The following THEMIS variants were observed in gnomAD, a reference collection of about 807,000 sequenced individuals.
THEMIS encodes the protein protein THEMIS.
THEMIS carries 37 observed loss-of-function variants against 52.6 expected under a neutral mutation model. That is an observed-to-expected ratio of 0.70 (90% CI 0.54 to 0.93). The LOEUF (loss-of-function observed/expected upper bound fraction) is 0.93. Ranked by LOEUF, THEMIS falls within the 40% of genes least tolerant of loss-of-function variation. The pLI is 0.00. For synonymous variants in THEMIS, 292 were observed against 272.7 expected (o/e 1.07, Z -0.70); for missense variants, 808 against 763.1 (o/e 1.06, Z -0.69).
At chr6:127,892,313 T>A (rs191910276) in intron 1 of THEMIS, among the ~76,000 whole-genome samples, 1 of 152,308 alleles carries the variant, frequency 6.6e-6, no homozygotes, top group African/African-American at 2.4e-5. Flanking sequence ...GCAAGGCTTA[T>A]TTCCTCAGTT....
intron 1 of THEMIS, among the ~76,000 whole-genome samples, chr6:127,879,578 G>A (rs1020668441): frequency 6.9e-6 from 1 of 144,814 alleles, no homozygotes; most frequent in African/African-American, 2.6e-5. Context: ...AAATGTCTCT[G>A]TAAAATGAGA....
intron 4 of THEMIS, among the ~76,000 whole-genome samples, chr6:127,729,223 G>A (rs148546836): frequency 7.4e-6 from 1 of 134,708 alleles, no homozygotes; most frequent in Non-Finnish European, 1.5e-5. Flanking sequence ...CCCAGAGGTA[G>A]CAAGCTCATT....
At chr6:127,746,761 T>A (rs1325998070) in intron 4 of THEMIS, among the ~76,000 whole-genome samples, 1 of 76,196 alleles carries the variant, frequency 1.3e-5, no homozygotes, top group Non-Finnish European at 2.2e-5. Flanking sequence ...TATATATTAT[T>A]ATATAATTAT....
intron 3 of THEMIS, among the ~76,000 whole-genome samples, chr6:127,816,303 A>C (rs962080952): frequency 2.0e-5 from 3 of 152,104 alleles, no homozygotes; most frequent in African/African-American, 7.2e-5. Context: ...ACTGATCTTA[A>C]GTGGTCTCAT....
At chr6:127,865,600 T>C (rs1779949435) in intron 1 of THEMIS, among the ~76,000 whole-genome samples, 1 of 152,122 alleles carries the variant, frequency 6.6e-6, no homozygotes, top group Non-Finnish European at 1.5e-5. Context: ...TACTGCCTTG[T>C]AGAAAATTAA....
upstream of THEMIS, among the ~76,000 whole-genome samples, chr6:127,901,510 A>T (rs1236925352): frequency 6.6e-6 from 1 of 151,968 alleles, no homozygotes; most frequent in Non-Finnish European, 1.5e-5. Flanking sequence ...CTGATACTAT[A>T]CTCTGGAGAG....
chr6:127,869,200 C>T (rs754878281), intron 1 of THEMIS, among the ~76,000 whole-genome samples: 21 of 152,110 alleles, frequency 1.4e-4, no homozygotes, highest in Admixed American at 3.3e-4. Flanking sequence ...AGGGTTACAT[C>T]CAAATAAACC....
intron 4 of THEMIS, among the ~76,000 whole-genome samples, chr6:127,745,628 C>A (rs1222639127): frequency 1.3e-5 from 2 of 151,750 alleles, no homozygotes; most frequent in East Asian, 3.9e-4. Flanking sequence ...CTCTTTAGTG[C>A]AATGGAAAAA....
At chr6:127,823,057 C>A (rs1365835701) in intron 3 of THEMIS, among the ~76,000 whole-genome samples, 2 of 152,032 alleles carry the variant, frequency 1.3e-5, no homozygotes, top group Non-Finnish European at 2.9e-5. Context: ...GTATATTTAG[C>A]ACACATAGAT....
intron 1 of THEMIS, among the ~76,000 whole-genome samples, chr6:127,855,734 C>G (rs750516906): frequency 2.8e-4 from 43 of 152,032 alleles, no homozygotes; most frequent in Middle Eastern, 6.8e-3. Flanking sequence ...AGAAACCATT[C>G]TGAGTATCTT....
rs1360161311 is a variant in THEMIS at position 127,887,019 on chromosome 6, A to G, written c.91+13823T>C. On this transcript the variant is annotated intron_variant, in intron 1 of 5. Transcript: ENST00000368248. ...GAGCCCTCCCCTACCTCCCCCCCCA[A>G]AAAATACATTGGATTTCATCAAAAT... Among the ~76,000 whole-genome samples, 6 of 150,002 alleles carry G rather than the reference A, an allele frequency of 4.0e-5. No individual in the cohort carries two copies. In the East Asian group the frequency reaches 1.0e-3, roughly 25 times the overall value.
At chr6:127,790,492 T>G (rs1777120237) in intron 4 of THEMIS, among the ~76,000 whole-genome samples, 1 of 152,228 alleles carries the variant, frequency 6.6e-6, no homozygotes, top group South Asian at 2.1e-4. Flanking sequence ...TGAGGTCATC[T>G]TAATTTTCTT....
At chr6:127,858,701 A>C (rs1292311322) in intron 1 of THEMIS, among the ~76,000 whole-genome samples, 1 of 152,142 alleles carries the variant, frequency 6.6e-6, no homozygotes, top group Non-Finnish European at 1.5e-5. Flanking sequence ...ATAGACATAC[A>C]TATTAAAATG....
At chr6:127,762,940 G>T (rs147680928) in intron 4 of THEMIS, among the ~76,000 whole-genome samples, 1 of 151,754 alleles carries the variant, frequency 6.6e-6, no homozygotes, top group Non-Finnish European at 1.5e-5. Flanking sequence ...GATTTAATCA[G>T]CTGTTTATCT....
intron 4 of THEMIS, among the ~76,000 whole-genome samples, chr6:127,776,236 G>A (rs973302915): frequency 3.9e-5 from 6 of 152,322 alleles, no homozygotes; most frequent in Non-Finnish European, 2.9e-5. Context: ...TGTTCCACCT[G>A]TAATCACTGG....
chr6:127,778,299 T>C (rs955574834), intron 4 of THEMIS, among the ~76,000 whole-genome samples: 2 of 152,122 alleles, frequency 1.3e-5, no homozygotes, highest in South Asian at 2.1e-4. Flanking sequence ...TGGAACTGAA[T>C]TGGATTTTTT....
chr6:127,845,102 C>A, intron 2 of THEMIS, among the ~76,000 whole-genome samples: 1 of 150,384 alleles, frequency 6.6e-6, no homozygotes, highest in Admixed American at 6.6e-5. Flanking sequence ...GCTTGTCAAA[C>A]TCTGCAAATC....
chr6:127,915,722 C>T (rs1781510548), intron 1 of THEMIS, among the ~76,000 whole-genome samples: 1 of 152,126 alleles, frequency 6.6e-6, no homozygotes, highest in African/African-American at 2.4e-5. Flanking sequence ...TGTGGTGGCT[C>T]ACGCCTGTAA....
At chr6:127,881,830 AC>A (rs1331464700) in intron 1 of THEMIS, among the ~76,000 whole-genome samples, 1 of 151,852 alleles carries the variant, frequency 6.6e-6, no homozygotes, top group Non-Finnish European at 1.5e-5. Context: ...AATGCACTAA[AC>A]TTTTAAACTT....
Sources: gnomAD v4.1 joint callset for allele counts (sites outside exome capture counted in the v4.1 genomes callset) on GRCh38, gnomAD v4.1.1 for gene constraint, MANE v1.5 for transcripts, NCBI Gene and HGNC (gene_info 2026-07-23, HGNC 2026-07-21) for gene names.